The following FHIT variants were observed in gnomAD, a reference collection of about 807,000 sequenced individuals.
FHIT encodes bis(5'-adenosyl)-triphosphatase.
Under a neutral mutation model 17.9 loss-of-function variants are expected in FHIT, and 19 were observed. The ratio of observed to expected loss-of-function variants is 1.06; its 90% CI spans 0.74 to 1.56. The LOEUF is 1.56. FHIT is among the 40% of genes most tolerant of loss of function. The probability of loss-of-function intolerance (pLI) is 0.00; values close to 1 mark genes in which losing one functional copy is unlikely to be tolerated. For synonymous variants in FHIT, 81 were observed against 69.7 expected (o/e 1.16, Z -0.81); for missense variants, 248 against 189.2 (o/e 1.31, Z -1.82).
chr3:60,232,027 C>T (rs999464110), intron 5 of FHIT, among the ~76,000 whole-genome samples: 3 of 152,096 alleles, frequency 2.0e-5, no homozygotes, highest in African/African-American at 7.2e-5. Flanking sequence ...CTTATACATG[C>T]CAATAACAGA....
chr3:59,805,663 T>G (rs1368940345), intron 8 of FHIT, among the ~76,000 whole-genome samples: 1 of 152,210 alleles, frequency 6.6e-6, no homozygotes, highest in African/African-American at 2.4e-5. Flanking sequence ...AATGGAACAT[T>G]GGAAAGACTG....
chr3:59,920,675 G>A (rs62238312), intron 8 of FHIT, among the ~76,000 whole-genome samples: 22,325 of 152,162 alleles, frequency 0.15, 2,024 homozygotes, highest in Middle Eastern at 0.24. Context: ...TAATTCACGT[G>A]CTAATTTATT....
At chr3:60,722,646 G>C (rs2041831754) in intron 4 of FHIT, among the ~76,000 whole-genome samples, 1 of 149,028 alleles carries the variant, frequency 6.7e-6, no homozygotes, top group African/African-American at 2.5e-5. Flanking sequence ...AATGTCTTCA[G>C]ACATGGCCGT....
chr3:60,988,551 A>C (rs945207873), intron 3 of FHIT, among the ~76,000 whole-genome samples: 3 of 152,188 alleles, frequency 2.0e-5, no homozygotes, highest in Admixed American at 1.3e-4. Flanking sequence ...TCCAGAGGAG[A>C]CCATATTCCA....
At chr3:60,704,354 C>T (rs2041320702) in intron 4 of FHIT, among the ~76,000 whole-genome samples, 2 of 152,110 alleles carry the variant, frequency 1.3e-5, no homozygotes. Flanking sequence ...AGATACTTGA[C>T]AAAATTTTAA....
chr3:60,751,307 T>C (rs1223884642), intron 4 of FHIT, among the ~76,000 whole-genome samples: 1 of 152,244 alleles, frequency 6.6e-6, no homozygotes, highest in Non-Finnish European at 1.5e-5. Flanking sequence ...CAATGGATAC[T>C]TAGAGTGAGA....
chr3:59,885,942 C>G (rs973423542), intron 8 of FHIT, among the ~76,000 whole-genome samples: 2 of 152,176 alleles, frequency 1.3e-5, no homozygotes, highest in African/African-American at 4.8e-5. Context: ...AACTCTGGCC[C>G]TAAGAGAAGC....
intron 7 of FHIT, among the ~76,000 whole-genome samples, chr3:59,952,879 G>A (rs532820727): frequency 1.2e-4 from 19 of 152,166 alleles, no homozygotes; most frequent in South Asian, 6.2e-4. Context: ...TGTGTGGGAC[G>A]GCAGCCAGTG....
At chr3:60,211,420 T>C (rs1158465037) in intron 5 of FHIT, among the ~76,000 whole-genome samples, 1 of 151,802 alleles carries the variant, frequency 6.6e-6, no homozygotes. Context: ...GTTTTATAGA[T>C]TGATTCTGAA....
intron 8 of FHIT, among the ~76,000 whole-genome samples, chr3:59,873,772 G>A (rs564838260): frequency 1.8e-4 from 28 of 152,148 alleles, no homozygotes; most frequent in South Asian, 6.3e-4. Flanking sequence ...CTAGGGTGGC[G>A]CCCAATTTAC....
intron 4 of FHIT, among the ~76,000 whole-genome samples, chr3:60,744,257 ACAAAAC>A (rs1479150054): frequency 0.01 from 765 of 74,534 alleles, 23 homozygotes; most frequent in Middle Eastern, 0.021. Context: ...AAAAAAAAAA[ACAAAAC>A]AAAACAAAAA....
At chr3:60,694,571 C>T (rs1296781933) in intron 4 of FHIT, among the ~76,000 whole-genome samples, 1 of 152,100 alleles carries the variant, frequency 6.6e-6, no homozygotes, top group Non-Finnish European at 1.5e-5. Flanking sequence ...TGGGTATATA[C>T]CCAAAGGATT....
chr3:60,339,859 G>A (rs1710430716), intron 5 of FHIT, among the ~76,000 whole-genome samples: 1 of 152,118 alleles, frequency 6.6e-6, no homozygotes, highest in Non-Finnish European at 1.5e-5. Context: ...CATTTTTAAT[G>A]TTCTCCTGAA....
intron 3 of FHIT, among the ~76,000 whole-genome samples, chr3:60,837,683 T>G (rs1702583610): frequency 6.6e-6 from 1 of 152,166 alleles, no homozygotes; most frequent in African/African-American, 2.4e-5. Flanking sequence ...TGTGGTTTTC[T>G]GTTTTCTTTG....
At chr3:60,415,244 T>TCC (rs1240551660) in intron 5 of FHIT, among the ~76,000 whole-genome samples, 1 of 152,182 alleles carries the variant, frequency 6.6e-6, no homozygotes, top group Non-Finnish European at 1.5e-5. Flanking sequence ...TTAAAAGTAC[T>TCC]CCCTTTAGTT....
chr3:60,996,793 C>A (rs1424180670), intron 3 of FHIT, among the ~76,000 whole-genome samples: 3 of 152,182 alleles, frequency 2.0e-5, no homozygotes, highest in Admixed American at 6.5e-5. Flanking sequence ...ATAAAGTTAT[C>A]ATTTTCACAC....
chr3:59,784,654 A>C (rs568897166), intron 8 of FHIT, among the ~76,000 whole-genome samples: 1 of 152,118 alleles, frequency 6.6e-6, no homozygotes, highest in South Asian at 2.1e-4. Context: ...CTTTAGGTTC[A>C]ACATCCTTTT....
At chr3:60,616,135 G>A (rs1287309069) in intron 4 of FHIT, among the ~76,000 whole-genome samples, 1 of 152,062 alleles carries the variant, frequency 6.6e-6, no homozygotes, top group East Asian at 1.9e-4. Context: ...TTGTTTCTGT[G>A]CATGTTGAGT....
chr3:61,126,481 G>GA (rs1008349001), intron 2 of FHIT, among the ~76,000 whole-genome samples: 17 of 152,160 alleles, frequency 1.1e-4, no homozygotes, highest in Admixed American at 3.3e-4. Flanking sequence ...GCAGGCTAGA[G>GA]AGAGCAGGTA....
Sources: gnomAD v4.1 joint callset for allele counts (sites outside exome capture counted in the v4.1 genomes callset) on GRCh38, gnomAD v4.1.1 for gene constraint, MANE v1.5 for transcripts, NCBI Gene and HGNC (gene_info 2026-07-23, HGNC 2026-07-21) for gene names.